Variants in ZFAT observed in about 807,000 individuals in gnomAD.
ZFAT encodes zinc finger and AT-hook domain containing, also known as zinc finger protein ZFAT.
ZFAT carries 64 observed loss-of-function variants against 117.7 expected under a neutral mutation model. That is an observed-to-expected ratio of 0.54 (90% CI 0.44 to 0.67). The LOEUF is 0.67. ZFAT is among the 30% of genes least tolerant of loss of function. The probability of loss-of-function intolerance (pLI) is 0.00; values close to 1 mark genes in which losing one functional copy is unlikely to be tolerated. For synonymous variants in ZFAT, 679 were observed against 615.0 expected, an observed-to-expected ratio of 1.10 and a Z score of -1.54; for missense variants, 1,433 against 1,584.5, an observed-to-expected ratio of 0.90 and a Z score of 1.62.
At chr8:134,550,013 T>C (rs1381484717) in intron 11 of ZFAT, among the ~76,000 whole-genome samples, 1 of 152,114 alleles carries the variant, frequency 6.6e-6, no homozygotes, top group Non-Finnish European at 1.5e-5. Context: ...TAAAGAAGTT[T>C]GTACTAAAGA....
At chr8:134,832,149 G>A in the ZFAT span, among the ~76,000 whole-genome samples, 8 of 150,342 alleles carry the variant, frequency 5.3e-5, no homozygotes, top group East Asian at 3.9e-4. Flanking sequence ...GGGGCGGGGG[G>A]CAGGGGGCGC....
In ZFAT at chr8:134,677,941, C is replaced by T. The variant is rs555374699; in HGVS notation, c.20-20204G>A. Among the ~76,000 whole-genome samples the T allele has an allele frequency of 5.3e-4, 80 of 152,272 alleles. 2 individuals are homozygous for T. The South Asian group carries it at 0.014, about 26-fold the overall frequency. ...CTCAATAAACTAGGTATTGATGGAA[C>T]GTATCTCAAAATAATAACAGCTATT... On this transcript the variant is annotated intron_variant, in intron 1 of 15. Coordinates refer to ENST00000377838, the MANE Select transcript of ZFAT (RefSeq NM_020863.4).
chr8:134,713,590 C>G (rs770587969), upstream of ZFAT, among the ~76,000 whole-genome samples: 2 of 152,120 alleles, frequency 1.3e-5, no homozygotes, highest in Non-Finnish European at 2.9e-5. Flanking sequence ...CCTCCTCTCT[C>G]GTCTCTTTTT....
intron 11 of ZFAT, among the ~76,000 whole-genome samples, chr8:134,545,209 A>C (rs757888544): frequency 6.6e-6 from 1 of 152,214 alleles, no homozygotes; most frequent in Non-Finnish European, 1.5e-5. Context: ...GTAAAGAAGT[A>C]AACTTCAAAA....
intron 3 of ZFAT, among the ~76,000 whole-genome samples, chr8:134,619,374 G>GT (rs1828958159): frequency 6.6e-6 from 1 of 151,968 alleles, no homozygotes; most frequent in East Asian, 1.9e-4. Context: ...TTGAAAAACC[G>GT]TAAGTCCACC....
Position 134,520,998 on chromosome 8 carries a change from C to T in ZFAT, c.3119G>A (p.Gly1040Asp), listed in dbSNP as rs1820615238. ...LAAEVLIQQG[G>D]LKCPVCSFVY... ...AAAGCTGCAAACAGGACACTTCAAA[C>T]CACCTGAAAGCACAGACAGAGGTTA... Residue 1040 changes from glycine to aspartate, a missense_variant, in exon 13 of 16, where the codon GGT (glycine) becomes GAT (aspartate). Coordinates refer to ENST00000377838, the MANE Select transcript of ZFAT (RefSeq NM_020863.4). The T allele has an allele frequency of 6.2e-7, 1 of 1,612,480 alleles. No homozygotes were observed. The highest frequency in any genetic ancestry group is 8.5e-7 in the Non-Finnish European group (1 of 1,179,130).
At chr8:134,740,450 G>T in the ZFAT span, among the ~76,000 whole-genome samples, 1 of 152,234 alleles carries the variant, frequency 6.6e-6, no homozygotes, top group Admixed American at 6.5e-5. Context: ...TTCTGTTTGA[G>T]TAAGCATTGG....
chr8:134,625,812 T>A (rs894349), intron 3 of ZFAT, among the ~76,000 whole-genome samples: 1 of 152,018 alleles, frequency 6.6e-6, no homozygotes, highest in Admixed American at 6.5e-5. Flanking sequence ...GTGAGCCACG[T>A]GTTCAGTACT....
intron 2 of ZFAT, chr8:134,639,778 G>A (rs764154105): frequency 1.8e-5 from 8 of 456,114 alleles, no homozygotes; most frequent in East Asian, 6.9e-5. Context: ...CACCCACCTC[G>A]TGTCATGTCA....
chr8:134,597,317 T>C (rs528601284), intron 7 of ZFAT, among the ~76,000 whole-genome samples: 3 of 152,306 alleles, frequency 2.0e-5, no homozygotes, highest in East Asian at 1.9e-4. Flanking sequence ...AATCATGCTA[T>C]CTTACTATGT....
chr8:134,561,031 T>C (rs889787781), intron 11 of ZFAT, among the ~76,000 whole-genome samples: 19 of 152,244 alleles, frequency 1.2e-4, no homozygotes, highest in Admixed American at 2.0e-4. Context: ...TTACTATTTG[T>C]GAATTCTCAG....
chr8:134,549,137 T>A (rs557093827), intron 11 of ZFAT, among the ~76,000 whole-genome samples: 203 of 152,010 alleles, frequency 1.3e-3, no homozygotes, highest in African/African-American at 4.6e-3. Flanking sequence ...CAGACGGAAA[T>A]GTTTCATAGA....
intron 15 of ZFAT, among the ~76,000 whole-genome samples, chr8:134,501,514 C>T (rs1818973013): frequency 6.6e-6 from 1 of 152,020 alleles, no homozygotes. Context: ...AGATGAGCCA[C>T]AATAATGACA....
chr8:134,769,226 G>A, the ZFAT span, among the ~76,000 whole-genome samples: 46,434 of 151,928 alleles, frequency 0.31, 7,237 homozygotes, highest in Non-Finnish European at 0.33. Flanking sequence ...TCCAAGATAA[G>A]GCAAGTCCCT....
At chr8:134,491,262 A>C (rs1045043597) in intron 15 of ZFAT, among the ~76,000 whole-genome samples, 3 of 152,218 alleles carry the variant, frequency 2.0e-5, no homozygotes, top group African/African-American at 7.2e-5. Context: ...GCTCTACGAA[A>C]GCCCTCCGGC....
chr8:134,523,072 T>C (rs542857765), intron 12 of ZFAT, among the ~76,000 whole-genome samples: 3 of 152,314 alleles, frequency 2.0e-5, no homozygotes, highest in South Asian at 4.2e-4. Context: ...TTAGACTCAA[T>C]GCCCCTTTCT....
chr8:134,574,565 C>T (rs998251661), intron 10 of ZFAT, among the ~76,000 whole-genome samples: 4 of 151,902 alleles, frequency 2.6e-5, no homozygotes, highest in South Asian at 2.1e-4. Context: ...AAACTTAAAA[C>T]GTCACCTTCA....
intron 7 of ZFAT, chr8:134,598,980 C>T (rs907605310): frequency 2.0e-5 from 3 of 152,224 alleles, no homozygotes; most frequent in Non-Finnish European, 4.4e-5. Context: ...TATTCAAAGG[C>T]TTCTCCCAAG....
At chr8:134,552,622 T>C (rs1823252754) in intron 11 of ZFAT, among the ~76,000 whole-genome samples, 1 of 152,198 alleles carries the variant, frequency 6.6e-6, no homozygotes, top group Admixed American at 6.5e-5. Context: ...ATGGTTTCCC[T>C]TGTGAAAGAG....
Sources: allele counts gnomAD v4.1 joint callset (sites outside exome capture counted in the v4.1 genomes callset), GRCh38; gene constraint gnomAD v4.1.1; transcripts MANE v1.5; gene names NCBI Gene and HGNC (gene_info 2026-07-23, HGNC 2026-07-21).